MYO5A: variants seen among roughly 807,000 people sequenced by gnomAD.
MYO5A encodes myosin VA, also known as unconventional myosin-Va.
In MYO5A, 98 loss-of-function variants were observed where a neutral mutation model predicts 249.7. The observed-to-expected ratio is 0.39, with a 90% CI of 0.33 to 0.46. The LOEUF is 0.46. Among genes scored for constraint, MYO5A ranks in the 20% least tolerant of loss-of-function variants. The pLI is 0.98. For missense variants in MYO5A, 1,696 were observed against 2,308.8 expected (o/e 0.73, Z 5.44); for synonymous variants, 778 against 810.6 (o/e 0.96, Z 0.68).
At chr15:52,391,599 T>G (rs2042239867) in intron 12 of MYO5A, among the ~76,000 whole-genome samples, 1 of 152,222 alleles carries the variant, frequency 6.6e-6, no homozygotes, top group South Asian at 2.1e-4. Context: ...TCAAAATATC[T>G]TCTGCACAGT....
chr15:52,435,620 T>C, intron 1 of MYO5A: 1 of 453,950 alleles, frequency 2.2e-6, no homozygotes, highest in Non-Finnish European at 4.4e-6. Context: ...GCCTTCCTAT[T>C]GGGAAGCTGC....
At chr15:52,463,944 A>C (rs2076303269) in intron 1 of MYO5A, among the ~76,000 whole-genome samples, 1 of 152,164 alleles carries the variant, frequency 6.6e-6, no homozygotes, top group Non-Finnish European at 1.5e-5. Flanking sequence ...TTACAAAATA[A>C]ACCAATTAGA....
intron 4 of MYO5A, among the ~76,000 whole-genome samples, chr15:52,417,785 C>T (rs1595639178): frequency 6.6e-6 from 1 of 152,200 alleles, no homozygotes; most frequent in African/African-American, 2.4e-5. Flanking sequence ...ACTGAATGAC[C>T]TTTGCCAGAT....
intron 18 of MYO5A, among the ~76,000 whole-genome samples, chr15:52,379,369 A>G (rs1031581324): frequency 1.3e-5 from 2 of 152,206 alleles, no homozygotes; most frequent in Non-Finnish European, 2.9e-5. Flanking sequence ...TACTAGGTAC[A>G]CTTTTATCAA....
At chr15:52,367,539 A>T (rs974733625) in intron 22 of MYO5A, among the ~76,000 whole-genome samples, 1 of 152,212 alleles carries the variant, frequency 6.6e-6, no homozygotes, top group Non-Finnish European at 1.5e-5. Context: ...TTGCTCTCAA[A>T]GGTAATTGAT....
At chr15:52,373,339 T>C (rs1414157957) in intron 20 of MYO5A, among the ~76,000 whole-genome samples, 1 of 152,200 alleles carries the variant, frequency 6.6e-6, no homozygotes, top group African/African-American at 2.4e-5. Context: ...AGTGACTGGA[T>C]AAATAAAACT....
chr15:52,395,460 C>T (rs118001282), intron 11 of MYO5A, among the ~76,000 whole-genome samples: 3,763 of 152,260 alleles, frequency 0.025, 69 homozygotes, highest in South Asian at 0.048. Flanking sequence ...TGCCCTTGAG[C>T]TCTATCTTCT....
intron 1 of MYO5A, among the ~76,000 whole-genome samples, chr15:52,436,270 A>G (rs559571824): frequency 1.3e-5 from 2 of 152,318 alleles, no homozygotes; most frequent in East Asian, 3.9e-4. Context: ...ACCATGTTCT[A>G]CAAGGGCCTT....
At chr15:52,379,503 T>G (rs2041621115) in intron 18 of MYO5A, 122 bp downstream of exon 18, 5 of 837,464 alleles carry the variant, frequency 6.0e-6, no homozygotes, top group Non-Finnish European at 1.0e-5. Context: ...AGTGTGCCCC[T>G]CTCTGATCCC....
intron 14 of MYO5A, among the ~76,000 whole-genome samples, chr15:52,385,000 C>T (rs2041916643): frequency 6.6e-6 from 1 of 152,042 alleles, no homozygotes; most frequent in South Asian, 2.1e-4. Context: ...ACAAATAATT[C>T]CTGTAATCAA....
At chr15:52,330,993 T>C (rs536920262) in intron 34 of MYO5A, among the ~76,000 whole-genome samples, 1 of 152,334 alleles carries the variant, frequency 6.6e-6, no homozygotes, top group Admixed American at 6.5e-5. Flanking sequence ...TTACTTTAAA[T>C]GTATCATTAC....
intron 11 of MYO5A, among the ~76,000 whole-genome samples, chr15:52,393,615 G>A (rs533601762): frequency 6.6e-6 from 1 of 152,038 alleles, no homozygotes; most frequent in South Asian, 2.1e-4. Context: ...GGACAGTCTC[G>A]ATCTCCTGAC....
intron 1 of MYO5A, among the ~76,000 whole-genome samples, chr15:52,447,991 G>C (rs2075929602): frequency 6.6e-6 from 1 of 152,218 alleles, no homozygotes; most frequent in Non-Finnish European, 1.5e-5. Flanking sequence ...GGGCAATGTA[G>C]GAGGGAAATG....
intron 37 of MYO5A, among the ~76,000 whole-genome samples, chr15:52,323,062 C>T (rs2038408741): frequency 6.6e-6 from 1 of 152,148 alleles, no homozygotes; most frequent in African/African-American, 2.4e-5. Flanking sequence ...CTGATATTAG[C>T]TCTTGAAATG....
chr15:52,321,178 G>A (rs948797677), intron 38 of MYO5A, among the ~76,000 whole-genome samples, 181 bp downstream of exon 38: 5 of 152,176 alleles, frequency 3.3e-5, no homozygotes, highest in Non-Finnish European at 7.4e-5. Flanking sequence ...CAGTGATTTC[G>A]ATGTATCCCA....
At chr15:52,361,206 A>T (rs777037311) in intron 24 of MYO5A, among the ~76,000 whole-genome samples, 1 of 152,172 alleles carries the variant, frequency 6.6e-6, no homozygotes, top group Admixed American at 6.5e-5. Flanking sequence ...ATGAAGTCAA[A>T]GGCACTCAAA....
Position 52,528,819 on chromosome 15 carries a change from G to C in MYO5A, c.-13C>G. 1 of 1,487,238 alleles carries C rather than the reference G, an allele frequency of 6.7e-7. No individual in the cohort carries two copies. The highest frequency in any genetic ancestry group is 8.9e-7 in the Non-Finnish European group (1 of 1,124,684). 92.1% of individuals were successfully genotyped at this position (1,487,238 alleles called of 1,614,324 possible). ...CCGACGCAGCCATGGCGGGCCCCGCGCGCCTACGCCCCCCGCCTGTGCGGA... is the reference window on the plus strand; with the variant it reads ...CCGACGCAGCCATGGCGGGCCCCGCCCGCCTACGCCCCCCGCCTGTGCGGA... On this transcript the variant is annotated 5_prime_UTR_variant, in exon 1 of 42. Transcript: ENST00000399233.
chr15:52,314,833 C>T (rs192275373), intron 40 of MYO5A, among the ~76,000 whole-genome samples: 74 of 152,048 alleles, frequency 4.9e-4, no homozygotes, highest in Non-Finnish European at 8.5e-4. Context: ...AATAAATCAT[C>T]GTCTATATAA....
chr15:52,463,488 T>A (rs1018990047), intron 1 of MYO5A, among the ~76,000 whole-genome samples: 1 of 152,178 alleles, frequency 6.6e-6, no homozygotes. Context: ...ATTATAAAAT[T>A]TCATTTTCCC....
Sources: gnomAD v4.1 joint callset for allele counts (sites outside exome capture counted in the v4.1 genomes callset) on GRCh38, gnomAD v4.1.1 for gene constraint, MANE v1.5 for transcripts, NCBI Gene and HGNC (gene_info 2026-07-23, HGNC 2026-07-21) for gene names.